The following TAFA2 variants were observed in gnomAD, a reference collection of about 807,000 sequenced individuals.
TAFA2 encodes TAFA chemokine like family member 2.
A neutral mutation model predicts 18.8 loss-of-function variants in TAFA2; 7 were observed. The observed-to-expected ratio is 0.37, with a 90% CI of 0.21 to 0.70. The LOEUF (loss-of-function observed/expected upper bound fraction) is 0.70. TAFA2 is among the 30% of genes least tolerant of loss of function. The pLI is 0.53. For missense variants in TAFA2, 122 were observed against 158.1 expected, an observed-to-expected ratio of 0.77 and a Z score of 1.23; for synonymous variants, 60 against 54.2, an observed-to-expected ratio of 1.11 and a Z score of -0.47.
intron 2 of TAFA2, among the ~76,000 whole-genome samples, chr12:61,768,679 C>T (rs529175368): frequency 1.2e-4 from 18 of 152,184 alleles, no homozygotes; most frequent in Non-Finnish European, 2.2e-4. Context: ...TGTGGGCACT[C>T]TCGGTCCCCA....
Position 61,978,712 on chromosome 12 carries a change from G to T in TAFA2, c.-1-111286C>A, listed in dbSNP as rs17125576. ...CAACCAAGACCTACTGAATTAGAACGCCTGGAGAAGCAGGAGGCAAGAAAT... is the reference window on the plus strand; with the variant it reads ...CAACCAAGACCTACTGAATTAGAACTCCTGGAGAAGCAGGAGGCAAGAAAT... On this transcript the variant is annotated intron_variant, in intron 1 of 4. Coordinates refer to ENST00000416284, the MANE Select transcript of TAFA2 (RefSeq NM_178539.5). 5.3e-3 allele frequency among the ~76,000 whole-genome samples: 802 copies of T among 152,082 alleles called. 32 individuals carry two copies. In the South Asian group the frequency reaches 0.088, roughly 17 times the overall value.
At chr12:62,001,762 C>T (rs1194499598) in intron 1 of TAFA2, among the ~76,000 whole-genome samples, 1 of 151,900 alleles carries the variant, frequency 6.6e-6, no homozygotes, top group African/African-American at 2.4e-5. Flanking sequence ...GGGTTGGGGA[C>T]CCCTAATATA....
At chr12:61,884,222 C>G (rs1379619667) in intron 1 of TAFA2, among the ~76,000 whole-genome samples, 1 of 152,120 alleles carries the variant, frequency 6.6e-6, no homozygotes, top group Non-Finnish European at 1.5e-5. Flanking sequence ...GGCGCTGACC[C>G]AGAATATTTA....
intron 1 of TAFA2, among the ~76,000 whole-genome samples, chr12:61,928,081 C>T (rs1048890001): frequency 1.3e-5 from 2 of 152,168 alleles, no homozygotes; most frequent in Non-Finnish European, 2.9e-5. Context: ...TAGGCAATAC[C>T]ATTCACGACA....
intron 2 of TAFA2, among the ~76,000 whole-genome samples, chr12:61,757,367 T>C (rs1444557186): frequency 9.9e-5 from 15 of 152,038 alleles, no homozygotes; most frequent in Admixed American, 9.8e-4. Flanking sequence ...ATAGTTCTGA[T>C]GGATAGAGAA....
At chr12:62,093,503 C>T (rs11174311) in intron 1 of TAFA2, among the ~76,000 whole-genome samples, 28,261 of 151,896 alleles carry the variant, frequency 0.19, 2,876 homozygotes, top group East Asian at 0.39. Flanking sequence ...CATTTCAAAC[C>T]GGTTACATAT....
intron 1 of TAFA2, among the ~76,000 whole-genome samples, chr12:62,047,335 C>A (rs977571794): frequency 6.6e-6 from 1 of 152,070 alleles, no homozygotes; most frequent in Non-Finnish European, 1.5e-5. Flanking sequence ...CCTCTATAAA[C>A]CTCAATTTTC....
intron 1 of TAFA2, among the ~76,000 whole-genome samples, chr12:62,023,426 C>G (rs1316250589): frequency 6.6e-6 from 1 of 151,920 alleles, no homozygotes; most frequent in Admixed American, 6.6e-5. Flanking sequence ...ATATATACAT[C>G]TAGGATATAG....
At chr12:62,053,120 C>T (rs1009042199) in intron 1 of TAFA2, among the ~76,000 whole-genome samples, 3 of 151,936 alleles carry the variant, frequency 2.0e-5, no homozygotes, top group African/African-American at 7.2e-5. Context: ...ATAAAGACTT[C>T]CAAAATGAGA....
At chr12:61,917,510 A>G (rs1409271050) in intron 1 of TAFA2, among the ~76,000 whole-genome samples, 2 of 152,012 alleles carry the variant, frequency 1.3e-5, no homozygotes, top group Non-Finnish European at 2.9e-5. Context: ...TCTTTCGTTT[A>G]TTTGATTGAA....
intron 2 of TAFA2, among the ~76,000 whole-genome samples, chr12:61,824,307 C>A (rs149956352): frequency 9.3e-4 from 142 of 152,268 alleles, no homozygotes; most frequent in African/African-American, 3.2e-3. Flanking sequence ...TTGAATCCAG[C>A]AATGCCATAC....
At chr12:62,144,876 A>C (rs553989474) in intron 1 of TAFA2, among the ~76,000 whole-genome samples, 3 of 152,322 alleles carry the variant, frequency 2.0e-5, no homozygotes, top group Admixed American at 6.5e-5. Context: ...GCCTCAACCA[A>C]ATGAACTTGC....
chr12:62,068,515 A>C (rs348647), intron 1 of TAFA2, among the ~76,000 whole-genome samples: 127,604 of 152,128 alleles, frequency 0.84, 53,749 homozygotes, highest in Non-Finnish European at 0.86. Context: ...ATCCAAAGAA[A>C]AATTAGCAAA....
At chr12:62,104,754 G>A in intron 1 of TAFA2, 1 of 455,010 alleles carries the variant, frequency 2.2e-6, no homozygotes, top group South Asian at 1.6e-5. Flanking sequence ...CTGGTAATCG[G>A]GGTGACCATC....
At chr12:62,204,534 C>CT (rs2062684198) in intron 1 of TAFA2, among the ~76,000 whole-genome samples, 1 of 151,938 alleles carries the variant, frequency 6.6e-6, no homozygotes, top group Non-Finnish European at 1.5e-5. Context: ...ACTTTTTATT[C>CT]TTTTTTTCTC....
intron 1 of TAFA2, among the ~76,000 whole-genome samples, chr12:62,057,107 G>C (rs912546576): frequency 3.9e-5 from 6 of 152,128 alleles, no homozygotes; most frequent in African/African-American, 1.4e-4. Flanking sequence ...ACCATCTGAG[G>C]CTAGTGTTTA....
intron 2 of TAFA2, among the ~76,000 whole-genome samples, chr12:61,836,334 G>A (rs776717055): frequency 1.4e-4 from 22 of 151,896 alleles, no homozygotes; most frequent in Non-Finnish European, 2.9e-4. Flanking sequence ...AATGGTGAGT[G>A]TAAAGAATCT....
intron 2 of TAFA2, among the ~76,000 whole-genome samples, chr12:61,794,982 C>T (rs1412510850): frequency 1.3e-5 from 2 of 152,138 alleles, no homozygotes; most frequent in African/African-American, 4.8e-5. Flanking sequence ...TGAAAAAATG[C>T]TCATCATCAC....
chr12:62,163,368 G>A (rs913786976), intron 1 of TAFA2, among the ~76,000 whole-genome samples: 3 of 151,314 alleles, frequency 2.0e-5, no homozygotes, highest in Non-Finnish European at 4.4e-5. Flanking sequence ...TTTTGTTTTT[G>A]TTTTTATCTG....
Sources: gnomAD v4.1 joint callset for allele counts (sites outside exome capture counted in the v4.1 genomes callset) on GRCh38, gnomAD v4.1.1 for gene constraint, MANE v1.5 for transcripts, NCBI Gene and HGNC (gene_info 2026-07-23, HGNC 2026-07-21) for gene names.